ABLIM1: variants seen among roughly 807,000 people sequenced by gnomAD.
ABLIM1 encodes the protein actin binding LIM protein 1.
In ABLIM1, 40 loss-of-function variants were observed where a neutral mutation model predicts 107.0. The observed-to-expected ratio is 0.37, with a 90% CI of 0.29 to 0.49. ABLIM1 has a LOEUF of 0.49. Among genes scored for constraint, ABLIM1 ranks in the 20% least tolerant of loss-of-function variants. ABLIM1 has a pLI of 0.97. For synonymous variants in ABLIM1, 357 were observed against 357.3 expected, an observed-to-expected ratio of 1.00 and a Z score of 0.01; for missense variants, 857 against 1,008.5, an observed-to-expected ratio of 0.85 and a Z score of 2.04.
intron 17 of ABLIM1, 129 bp from the exon 18 acceptor site, chr10:114,441,915 A>G (rs2139199698): frequency 1.3e-6 from 1 of 764,458 alleles, no homozygotes; most frequent in Non-Finnish European, 2.2e-6. Context: ...TTGGGCTCAA[A>G]TGTTCAAAAA....
At chr10:114,562,889 C>T (rs1472660382) in intron 4 of ABLIM1, among the ~76,000 whole-genome samples, 3 of 152,094 alleles carry the variant, frequency 2.0e-5, no homozygotes, top group East Asian at 3.9e-4. Context: ...CAGTCCTTGC[C>T]GTTCAGTAGC....
rs749925391 is a variant in ABLIM1 at position 114,445,294 on chromosome 10, G to A, written c.1827+18C>T. Reference sequence around the variant, plus strand: ...TAACTAGCATTGAAGACAGCAGCAAGGTAGTTTAAGGACAAACCTTCATTA... The same window carrying A: ...TAACTAGCATTGAAGACAGCAGCAAAGTAGTTTAAGGACAAACCTTCATTA... On this transcript the variant is annotated intron_variant, in intron 16 of 22. Coordinates refer to ENST00000533213, the MANE Select transcript of ABLIM1 (RefSeq NM_002313.7). 6.2e-7 allele frequency: 1 copy of A among 1,606,246 alleles called. No individual in the cohort carries two copies. Among genetic ancestry groups the A allele is most frequent in the South Asian group, 1.1e-5 (1 of 90,900 alleles).
chr10:114,505,849 A>G (rs1266467517), intron 6 of ABLIM1, among the ~76,000 whole-genome samples: 2 of 152,158 alleles, frequency 1.3e-5, no homozygotes, highest in Non-Finnish European at 2.9e-5. Context: ...TTCTATTCTT[A>G]AAAAGGTCTT....
intron 6 of ABLIM1, chr10:114,526,697 T>C (rs1590926166): frequency 4.1e-6 from 4 of 985,530 alleles, no homozygotes; most frequent in South Asian, 4.7e-5. Context: ...TTCTGTTCCT[T>C]GGCTGTGCTG....
chr10:114,602,067 A>C (rs1204720097), intron 1 of ABLIM1, 106 bp from the exon 2 acceptor site: 3 of 1,439,346 alleles, frequency 2.1e-6, no homozygotes, highest in Non-Finnish European at 2.9e-6. Context: ...ACAGAGATTG[A>C]TTCGACAGTG....
At chr10:114,547,519 T>A in intron 5 of ABLIM1, 131 bp downstream of exon 5, 3 of 1,242,476 alleles carry the variant, frequency 2.4e-6, no homozygotes, top group Non-Finnish European at 3.3e-6. Flanking sequence ...TAGCAACAAG[T>A]TCATTATGAT....
chr10:114,604,307 T>C (rs574236708), intron 1 of ABLIM1, among the ~76,000 whole-genome samples: 10 of 152,274 alleles, frequency 6.6e-5, no homozygotes, highest in African/African-American at 2.2e-4. Flanking sequence ...AATCAGAAAA[T>C]TGTTGTAAGT....
At chr10:114,728,188 A>C (rs1405140151) in intron 1 of ABLIM1, among the ~76,000 whole-genome samples, 1 of 152,238 alleles carries the variant, frequency 6.6e-6, no homozygotes, top group Non-Finnish European at 1.5e-5. Flanking sequence ...AATTAAAACT[A>C]AAGTAAGATT....
At chr10:114,586,237 C>CA (rs1376638446) in intron 2 of ABLIM1, among the ~76,000 whole-genome samples, 1 of 145,078 alleles carries the variant, frequency 6.9e-6, no homozygotes, top group Non-Finnish European at 1.5e-5. Flanking sequence ...AATTGACCAC[C>CA]ACTCAATAAC....
chr10:114,498,161 A>C (rs1294425648), intron 6 of ABLIM1, among the ~76,000 whole-genome samples: 1 of 152,174 alleles, frequency 6.6e-6, no homozygotes, highest in Admixed American at 6.5e-5. Flanking sequence ...CAAATATGTC[A>C]CTATTTAACA....
chr10:114,727,013 T>C (rs571245327), intron 1 of ABLIM1, among the ~76,000 whole-genome samples: 1 of 152,284 alleles, frequency 6.6e-6, no homozygotes, highest in East Asian at 1.9e-4. Flanking sequence ...ATGCAAAGAA[T>C]AGCAATAAAG....
chr10:114,563,988 T>C (rs2070239990), intron 4 of ABLIM1, among the ~76,000 whole-genome samples: 1 of 148,516 alleles, frequency 6.7e-6, no homozygotes, highest in Non-Finnish European at 1.5e-5. Flanking sequence ...CCTCATCTTT[T>C]CCCACAGCCA....
At chr10:114,555,172 C>T (rs889632060) in intron 4 of ABLIM1, among the ~76,000 whole-genome samples, 4 of 152,126 alleles carry the variant, frequency 2.6e-5, no homozygotes, top group African/African-American at 9.7e-5. Flanking sequence ...GTTTCATAAT[C>T]ATCATAAGAA....
At position 114,432,690 on chromosome 10, in the gene ABLIM1, C is replaced by T. The variant is rs984438963; in HGVS notation, c.*3570G>A. ...GGAGAGGATGAGAACTGAAAAAGAACTGCTCCAGCCTCTGCCTCAGAAGAG... is the reference window on the plus strand; with the variant it reads ...GGAGAGGATGAGAACTGAAAAAGAATTGCTCCAGCCTCTGCCTCAGAAGAG... On this transcript the variant is annotated 3_prime_UTR_variant, in exon 23 of 23. Transcript: ENST00000533213. 1.3e-5 allele frequency: 2 copies of T among 152,158 alleles called. No individual in the cohort carries two copies. The highest frequency in any genetic ancestry group is 2.4e-5 in the African/African-American group (1 of 41,428). The allele number at this position is 152,158 out of a possible 1,614,324, so 9.4% of individuals were successfully genotyped here.
At chr10:114,553,686 G>A (rs534169161) in intron 4 of ABLIM1, among the ~76,000 whole-genome samples, 7 of 152,336 alleles carry the variant, frequency 4.6e-5, no homozygotes, top group African/African-American at 1.7e-4. Context: ...AGGCCCTACA[G>A]CTGCTGTGCC....
chr10:114,438,361 G>C (rs111860742), intron 21 of ABLIM1, among the ~76,000 whole-genome samples: 1 of 152,268 alleles, frequency 6.6e-6, no homozygotes, highest in East Asian at 1.9e-4. Flanking sequence ...TCAGGCCCAG[G>C]TGACCCTCCT....
chr10:114,455,844 G>A (rs549532867), intron 12 of ABLIM1, among the ~76,000 whole-genome samples: 3 of 142,834 alleles, frequency 2.1e-5, no homozygotes, highest in Non-Finnish European at 3.0e-5. Context: ...ACGGAGTCTC[G>A]CTCTGTCGCC....
intron 2 of ABLIM1, chr10:114,601,626 C>T: frequency 1.2e-6 from 1 of 812,752 alleles, no homozygotes; most frequent in Non-Finnish European, 2.0e-6. Flanking sequence ...ACCCAAAGGC[C>T]CACGAATCAC....
chr10:114,706,470 C>G (rs549334902), intron 1 of ABLIM1, among the ~76,000 whole-genome samples: 376 of 152,240 alleles, frequency 2.5e-3, no homozygotes, highest in African/African-American at 8.6e-3. Flanking sequence ...CAAAATTGAC[C>G]CTGAGAAACA....
Sources: gnomAD v4.1 joint callset for allele counts (sites outside exome capture counted in the v4.1 genomes callset) on GRCh38, gnomAD v4.1.1 for gene constraint, MANE v1.5 for transcripts, NCBI Gene and HGNC (gene_info 2026-07-23, HGNC 2026-07-21) for gene names.